The following MOCOS variants were observed in gnomAD, a reference collection of about 807,000 sequenced individuals.
The protein encoded by MOCOS is molybdenum cofactor sulfurase, also known as human molybdenum cofactor sulfurase.
MOCOS carries 86 observed loss-of-function variants against 83.6 expected under a neutral mutation model. The observed-to-expected ratio is 1.03, with a 90% CI of 0.86 to 1.23. The LOEUF (loss-of-function observed/expected upper bound fraction) is 1.23, where lower values mean the gene tolerates loss of function less well. Among genes scored for constraint, MOCOS ranks in the 50% most tolerant of loss-of-function variants. MOCOS has a pLI of 0.00. For missense variants in MOCOS, 1,120 were observed against 1,126.9 expected (o/e 0.99, Z 0.09); for synonymous variants, 445 against 434.7 (o/e 1.02, Z -0.29).
chr18:36,220,160 TGCCTGATCCA>T lies in MOCOS; in HGVS notation c.1907_1916del (p.Leu636ProfsTer20). 1 of 1,614,174 alleles carries T rather than the reference TGCCTGATCCA, an allele frequency of 6.2e-7. No homozygotes were observed. The highest frequency in any genetic ancestry group is 8.5e-7 in the Non-Finnish European group (1 of 1,180,030). ...GAGTCAGAAGCAGGAACCCCGGCTCTGCCTGATCCAGCCCTTCATCGACTTGCGGCAAAGG... is the reference window on the plus strand; with the variant it reads ...GAGTCAGAAGCAGGAACCCCGGCTCTGCCCTTCATCGACTTGCGGCAAAGG... On this transcript the variant is annotated frameshift_variant, in exon 9 of 15. Coordinates refer to ENST00000261326, the MANE Select transcript of MOCOS (RefSeq NM_017947.4). LOFTEE classifies it high-confidence loss of function.
At position 36,210,677 on chromosome 18, in the gene MOCOS, C is replaced by T. The variant is rs182854962; in HGVS notation, c.1219-2689C>T. On this transcript the variant is annotated intron_variant, in intron 6 of 14. Transcript: ENST00000261326. ...ACTATCCTGGCCAACATGGCGAAAC[C>T]CTGTCTCTACTAAAAATACAAAAAT... 1.6e-3 allele frequency among the ~76,000 whole-genome samples: 243 copies of T among 151,286 alleles called. 2 individuals carry two copies. The highest frequency in any genetic ancestry group is 1.9e-3 in the Non-Finnish European group (127 of 67,830).
At chr18:36,251,560 C>A (rs1204855580) in intron 11 of MOCOS, among the ~76,000 whole-genome samples, 1 of 152,152 alleles carries the variant, frequency 6.6e-6, no homozygotes, top group Non-Finnish European at 1.5e-5. Context: ...CATAATTAAT[C>A]CAATTGTATT....
intron 9 of MOCOS, among the ~76,000 whole-genome samples, chr18:36,231,157 T>A (rs1056723365): frequency 1.1e-4 from 17 of 152,204 alleles, no homozygotes; most frequent in African/African-American, 4.1e-4. Flanking sequence ...TATTTCTTAC[T>A]GAACGCTTTT....
At chr18:36,225,831 T>C (rs1217563210) in intron 9 of MOCOS, among the ~76,000 whole-genome samples, 1 of 152,158 alleles carries the variant, frequency 6.6e-6, no homozygotes, top group African/African-American at 2.4e-5. Flanking sequence ...CATTTCCACA[T>C]ATTTGTGAAT....
chr18:36,243,308 G>T (rs1422755049), intron 9 of MOCOS, among the ~76,000 whole-genome samples: 1 of 152,066 alleles, frequency 6.6e-6, no homozygotes, highest in Non-Finnish European at 1.5e-5. Flanking sequence ...TTTGCTGAGG[G>T]TTTTAATCAT....
chr18:36,224,294 T>C (rs1184050416), intron 9 of MOCOS, among the ~76,000 whole-genome samples: 1 of 152,242 alleles, frequency 6.6e-6, no homozygotes, highest in Non-Finnish European at 1.5e-5. Context: ...TTTTCTTGCC[T>C]AATTGCTCTG....
chr18:36,190,312 C>G (rs1279143992), intron 1 of MOCOS: 1 of 152,208 alleles, frequency 6.6e-6, no homozygotes, highest in Admixed American at 6.5e-5. Context: ...TGGTTTGGCT[C>G]TGTGTCCCCA....
chr18:36,227,117 G>T (rs1454587346), intron 9 of MOCOS, among the ~76,000 whole-genome samples: 1 of 151,500 alleles, frequency 6.6e-6, no homozygotes, highest in East Asian at 1.9e-4. Context: ...TCACCATGTT[G>T]CTCAGGTTGG....
chr18:36,206,832 G>T (rs2091436638), intron 6 of MOCOS, among the ~76,000 whole-genome samples: 1 of 152,168 alleles, frequency 6.6e-6, no homozygotes, highest in Non-Finnish European at 1.5e-5. Flanking sequence ...TTTTGTGGCT[G>T]TGTAGTATCC....
chr18:36,191,619 A>T (rs947202924), intron 1 of MOCOS, among the ~76,000 whole-genome samples: 1 of 152,098 alleles, frequency 6.6e-6, no homozygotes, highest in African/African-American at 2.4e-5. Context: ...ATTTATTTCT[A>T]TAGAGATGGG....
Position 36,202,102 on chromosome 18 carries a change from AC to A in MOCOS, c.942-1009del, listed in dbSNP as rs1267087167. ...CCCAGAAAGCTGAATTTATTTATTT[AC>A]CATTATAAGCCAATTTTTTTCTTGT... On this transcript the variant is annotated intron_variant, in intron 4 of 14. Transcript: ENST00000261326. Among the ~76,000 whole-genome samples, 5 of 152,288 alleles carry A rather than the reference AC, an allele frequency of 3.3e-5. No individual in the cohort carries two copies. The East Asian group carries it at 7.7e-4, about 23-fold the overall frequency.
chr18:36,251,399 G>C, intron 11 of MOCOS, 116 bp downstream of exon 11: 1 of 1,386,250 alleles, frequency 7.2e-7, no homozygotes, highest in South Asian at 1.2e-5. Flanking sequence ...GAAAGCAGGG[G>C]TCATCAGCCT....
chr18:36,262,161 T>C (rs189472365), intron 13 of MOCOS, among the ~76,000 whole-genome samples: 82 of 151,928 alleles, frequency 5.4e-4, no homozygotes, highest in Non-Finnish European at 9.7e-4. Context: ...TGTAGAAATC[T>C]ATCCCATAGA....
rs1046894095 is a variant in MOCOS, at chr18:36,268,502, T to C, written c.2515-31T>C. 4 of 1,613,808 alleles carry C rather than the reference T, an allele frequency of 2.5e-6. No homozygotes were observed. The Admixed American group carries it at 6.7e-5, about 27-fold the overall frequency. ...TTTTAATTGCTAAAATAATCTAGCCTTTTTTGTTGTTGTTGCTGTTTTGTT... is the reference window on the plus strand; with the variant it reads ...TTTTAATTGCTAAAATAATCTAGCCCTTTTTGTTGTTGTTGCTGTTTTGTT... On this transcript the variant is annotated intron_variant, in intron 14 of 14. Coordinates refer to ENST00000261326, the MANE Select transcript of MOCOS (RefSeq NM_017947.4).
At chr18:36,189,688 C>T (rs910231924) in intron 1 of MOCOS, 2 of 152,150 alleles carry the variant, frequency 1.3e-5, no homozygotes, top group Admixed American at 6.6e-5. Flanking sequence ...TGGAAGCCTT[C>T]GTGCTGAATC....
chr18:36,264,562 T>C (rs930970605), intron 13 of MOCOS, among the ~76,000 whole-genome samples: 8 of 152,302 alleles, frequency 5.3e-5, no homozygotes, highest in African/African-American at 1.9e-4. Flanking sequence ...GCTTGAGTCC[T>C]TGTATCCCTG....
At chr18:36,233,918 TA>T (rs2144935144) in intron 9 of MOCOS, among the ~76,000 whole-genome samples, 1 of 116 alleles carries the variant, frequency 8.6e-3, no homozygotes, top group Admixed American at 0.1. Context: ...GAGTTCCTTG[TA>T]GAATTCTGGA....
intron 9 of MOCOS, among the ~76,000 whole-genome samples, chr18:36,243,455 A>G (rs1349781227): frequency 6.6e-6 from 1 of 152,232 alleles, no homozygotes; most frequent in Admixed American, 6.5e-5. Flanking sequence ...CATCACTGGT[A>G]TGAAACCCAG....
intron 4 of MOCOS, among the ~76,000 whole-genome samples, chr18:36,202,368 G>T (rs1367118159): frequency 1.3e-5 from 2 of 152,076 alleles, no homozygotes; most frequent in African/African-American, 4.8e-5. Context: ...TAGAGATGGG[G>T]TCTTGCTTTT....
Sources: allele counts gnomAD v4.1 joint callset (sites outside exome capture counted in the v4.1 genomes callset), GRCh38; gene constraint gnomAD v4.1.1; transcripts MANE v1.5; gene names NCBI Gene and HGNC (gene_info 2026-07-23, HGNC 2026-07-21).